Variants in SPECC1L observed in about 807,000 individuals in gnomAD.
SPECC1L encodes the protein sperm antigen with calponin homology and coiled-coil domains 1 like.
Under a neutral mutation model 116.8 loss-of-function variants are expected in SPECC1L, and 40 were observed. That is an observed-to-expected ratio of 0.34 (90% CI 0.27 to 0.45). The LOEUF (loss-of-function observed/expected upper bound fraction) is 0.45, where lower values mean the gene tolerates loss of function less well. SPECC1L is among the 20% of genes least tolerant of loss of function. The pLI is 1.00. For missense variants in SPECC1L, 1,110 were observed against 1,373.6 expected (o/e 0.81, Z 3.03); for synonymous variants, 504 against 500.6 (o/e 1.01, Z -0.09).
At position 24,414,707 on chromosome 22, in the gene SPECC1L, T is replaced by C; in HGVS notation, c.*84T>C. On this transcript the variant is annotated 3_prime_UTR_variant, in exon 17 of 17. Coordinates refer to ENST00000314328, the MANE Select transcript of SPECC1L (RefSeq NM_015330.6). ...ACCGACGCCATTAGCTACGCACCCC[T>C]GTAAAGCTTCCAGCAACTCTGGGCT... 8.2e-7 allele frequency: 1 copy of C among 1,213,270 alleles called. No homozygotes were observed. Among genetic ancestry groups the C allele is most frequent in the South Asian group, 1.2e-5 (1 of 80,276 alleles). 75.2% of individuals were successfully genotyped at this position (1,213,270 alleles called of 1,614,324 possible).
At position 24,358,105 on chromosome 22, in the gene SPECC1L, G is replaced by T. The variant is rs907959932; in HGVS notation, c.2744-5156G>T. On this transcript the variant is annotated intron_variant, in intron 11 of 16. Coordinates refer to ENST00000314328, the MANE Select transcript of SPECC1L (RefSeq NM_015330.6). ...GGATCACATATTGTAGAGGTGTTTTGTTTTTTTTGGTTTTTTTTTTTTTTT... is the reference window on the plus strand; with the variant it reads ...GGATCACATATTGTAGAGGTGTTTTTTTTTTTTTGGTTTTTTTTTTTTTTT... 1.6e-3 allele frequency among the ~76,000 whole-genome samples: 214 copies of T among 132,748 alleles called. 1 individual carries two copies. The highest frequency in any genetic ancestry group is 2.3e-3 in the Non-Finnish European group (140 of 61,140). The allele number at this position is 132,748 out of a possible 152,430, so 87.1% of individuals were successfully genotyped here.
chr22:24,397,722 T>C (rs757687679), intron 14 of SPECC1L, among the ~76,000 whole-genome samples: 3 of 152,252 alleles, frequency 2.0e-5, no homozygotes, highest in Non-Finnish European at 2.9e-5. Flanking sequence ...AGTCCAGATA[T>C]ATACTTTGCC....
chr22:24,312,156 A>G (rs2040474480), intron 3 of SPECC1L, among the ~76,000 whole-genome samples: 1 of 152,136 alleles, frequency 6.6e-6, no homozygotes, highest in Admixed American at 6.5e-5. Flanking sequence ...AATTTTTTGT[A>G]GAAACGGAAT....
chr22:24,338,769 A>G (rs8140449), intron 10 of SPECC1L, among the ~76,000 whole-genome samples: 3,741 of 152,274 alleles, frequency 0.025, 179 homozygotes, highest in African/African-American at 0.086. Context: ...TTTAATCCTT[A>G]CAACTCTTGG....
intron 8 of SPECC1L, among the ~76,000 whole-genome samples, chr22:24,333,296 G>A (rs993084684): frequency 6.6e-6 from 1 of 152,134 alleles, no homozygotes; most frequent in Non-Finnish European, 1.5e-5. Flanking sequence ...ACATCTTGAG[G>A]CAAAATACTG....
intron 2 of SPECC1L, among the ~76,000 whole-genome samples, chr22:24,298,603 G>A (rs975758674): frequency 2.0e-5 from 3 of 152,206 alleles, no homozygotes; most frequent in Non-Finnish European, 4.4e-5. Flanking sequence ...GAGAGCCACC[G>A]ATGTAAGTTT....
At chr22:24,393,812 G>C (rs982950975) in intron 14 of SPECC1L, among the ~76,000 whole-genome samples, 1 of 151,934 alleles carries the variant, frequency 6.6e-6, no homozygotes, top group Non-Finnish European at 1.5e-5. Flanking sequence ...ACATTTCCTC[G>C]TGCCCCTTTG....
At chr22:24,361,215 T>C (rs2041636011) in intron 11 of SPECC1L, among the ~76,000 whole-genome samples, 1 of 151,988 alleles carries the variant, frequency 6.6e-6, no homozygotes, top group Non-Finnish European at 1.5e-5. Context: ...CTGGGCAAGA[T>C]AGTGAGACCT....
intron 10 of SPECC1L, among the ~76,000 whole-genome samples, chr22:24,338,726 A>G (rs1386685622): frequency 6.6e-6 from 1 of 152,246 alleles, no homozygotes; most frequent in Non-Finnish European, 1.5e-5. Flanking sequence ...TATGTGTTCT[A>G]CACTGTTCTG....
chr22:24,322,982 C>A, intron 5 of SPECC1L, 64 bp downstream of exon 5: 1 of 1,593,476 alleles, frequency 6.3e-7, no homozygotes, highest in Admixed American at 1.7e-5. Context: ...ACAGTGTTTA[C>A]TGAGAACCTG....
chr22:24,275,836 C>A (rs1394452588), intron 1 of SPECC1L, among the ~76,000 whole-genome samples: 1 of 152,120 alleles, frequency 6.6e-6, no homozygotes, highest in Non-Finnish European at 1.5e-5. Flanking sequence ...AGTCTTCTCA[C>A]TAGCTGAGAC....
At chr22:24,350,501 A>G (rs1374218505) in intron 11 of SPECC1L, among the ~76,000 whole-genome samples, 2 of 152,122 alleles carry the variant, frequency 1.3e-5, no homozygotes, top group Admixed American at 6.5e-5. Context: ...TTTTATTACT[A>G]TATGTGTGAA....
At position 24,363,266 on chromosome 22, in the gene SPECC1L, C is replaced by A; in HGVS notation, c.2749C>A (p.Leu917Met). The A allele has an allele frequency of 6.2e-7, 1 of 1,613,914 alleles. No homozygotes were observed. The highest frequency in any genetic ancestry group is 8.5e-7 in the Non-Finnish European group (1 of 1,179,754). ...ATTCTTTCTACTTTGTACAGAGCAT[C>A]TGTTAAGAACATCTTCAGCCAGCCG... ...NYGEIPVQEH[L>M]LRTSSASRPA... The change falls in exon 12 of 17, where the codon CTG becomes ATG. Residue 917 changes from leucine (L) to methionine (M), a missense_variant. Transcript: ENST00000314328.
chr22:24,315,845 ATC>A (rs879378951), intron 4 of SPECC1L, among the ~76,000 whole-genome samples: 5 of 152,138 alleles, frequency 3.3e-5, no homozygotes, highest in Non-Finnish European at 7.4e-5. Flanking sequence ...TTCTCCTGAG[ATC>A]TCTTTTTTGT....
chr22:24,273,927 T>C lies in SPECC1L; in HGVS notation c.-141-2773T>C, dbSNP rs141153673. On this transcript the variant is annotated intron_variant, in intron 1 of 16. Coordinates refer to ENST00000314328, the MANE Select transcript of SPECC1L (RefSeq NM_015330.6). ...GCATGTGCCACCACCCCTGGCTGAT[T>C]TTGTATTTTTAGTAGAGACAGGGTT... 2.3e-3 allele frequency among the ~76,000 whole-genome samples: 353 copies of C among 152,248 alleles called. 1 individual carries two copies. Among genetic ancestry groups the C allele is most frequent in the Non-Finnish European group, 3.1e-3 (214 of 68,002 alleles).
chr22:24,361,996 G>A (rs1377748277), intron 11 of SPECC1L, among the ~76,000 whole-genome samples: 3 of 152,244 alleles, frequency 2.0e-5, no homozygotes, highest in East Asian at 1.9e-4. Flanking sequence ...TTTTTAGGAG[G>A]GATCATGTTT....
At chr22:24,365,374 A>G in intron 12 of SPECC1L, 102 bp from the exon 13 acceptor site, 2 of 1,067,852 alleles carry the variant, frequency 1.9e-6, no homozygotes, top group Non-Finnish European at 2.8e-6. Flanking sequence ...TTCCTCCTGT[A>G]TGGTAATATC....
rs202216724 is a variant in SPECC1L at position 24,322,407 on chromosome 22, C to T, written c.1427C>T (p.Ser476Phe). 1 of 1,614,182 alleles carries T rather than the reference C, an allele frequency of 6.2e-7. No homozygotes were observed. The highest frequency in any genetic ancestry group is 1.6e-4 in the Middle Eastern group (1 of 6,062). Residue 476 changes from serine to phenylalanine, a missense_variant, in exon 5 of 17, where the codon TCT (serine) becomes TTT (phenylalanine). This residue lies in a region of SPECC1L where 575 missense variants were observed against 682.4 expected (regional missense o/e 0.84). Transcript: ENST00000314328. ...FRSLLDEHHI[S>F]YVIDEDVKSG... ...TCTCTTCTAGATGAGCATCACATTTCTTATGTCATAGATGAAGATGTAAAA... is the reference window on the plus strand; with the variant it reads ...TCTCTTCTAGATGAGCATCACATTTTTTATGTCATAGATGAAGATGTAAAA...
intron 14 of SPECC1L, among the ~76,000 whole-genome samples, chr22:24,374,704 A>G (rs1007431622): frequency 2.0e-5 from 3 of 151,796 alleles, no homozygotes; most frequent in Admixed American, 6.6e-5. Flanking sequence ...CAGCACACCA[A>G]CATGGCACAT....
Sources: gnomAD v4.1 joint callset for allele counts (sites outside exome capture counted in the v4.1 genomes callset) on GRCh38, gnomAD v4.1.1 for gene constraint, gnomAD v4.1.1 regional missense constraint, MANE v1.5 for transcripts, NCBI Gene and HGNC (gene_info 2026-07-23, HGNC 2026-07-21) for gene names.